Variants in TBCK observed in about 807,000 individuals in gnomAD.
The protein encoded by TBCK is TBC domain-containing protein kinase-like protein.
Under a neutral mutation model 113.4 loss-of-function variants are expected in TBCK, and 99 were observed. The ratio of observed to expected loss-of-function variants is 0.87; its 90% CI spans 0.74 to 1.03. The LOEUF is 1.03. TBCK is among the 50% of genes least tolerant of loss of function. TBCK has a pLI of 0.00. For synonymous variants in TBCK, 369 were observed against 370.8 expected (o/e 1.00, Z 0.05); for missense variants, 1,045 against 1,061.3 (o/e 0.98, Z 0.21).
chr4:106,316,391 T>G, upstream of TBCK: 1 of 689,022 alleles, frequency 1.5e-6, no homozygotes, highest in Non-Finnish European at 2.5e-6. Flanking sequence ...GGTGAGGGAA[T>G]GGAAGACGAG....
At chr4:106,144,390 T>C (rs1240984832) in intron 23 of TBCK, among the ~76,000 whole-genome samples, 1 of 152,100 alleles carries the variant, frequency 6.6e-6, no homozygotes, top group African/African-American at 2.4e-5. Flanking sequence ...TTGTCTGAAT[T>C]GAGGATATGT....
At chr4:106,123,940 G>T (rs1411998384) in intron 23 of TBCK, among the ~76,000 whole-genome samples, 5 of 150,772 alleles carry the variant, frequency 3.3e-5, no homozygotes, top group Admixed American at 6.6e-5. Context: ...CATAGGCATG[G>T]GCAAGGACTT....
rs888003098 is a variant in TBCK at position 106,212,659 on chromosome 4, C to T, written c.1860+91G>A. On this transcript the variant is annotated intron_variant, in intron 20 of 25. Transcript: ENST00000394708. ...TAACTTGTTCAGATATGCACTATGA[C>T]AACAAAAATTAAGAAAATACACTCT... is the stretch of plus-strand genomic sequence containing the variant. 6.6e-6 allele frequency: 6 copies of T among 906,586 alleles called. No homozygotes were observed. In the Admixed American group the frequency reaches 1.4e-4, roughly 21 times the overall value. The allele number at this position is 906,586 out of a possible 1,614,324, so 56.2% of individuals were successfully genotyped here.
chr4:106,300,939 A>AAAAT (rs942885654), intron 2 of TBCK, among the ~76,000 whole-genome samples: 3 of 152,064 alleles, frequency 2.0e-5, no homozygotes, highest in African/African-American at 7.2e-5. Flanking sequence ...CTGTCTCTGA[A>AAAAT]AAATAAATAA....
chr4:106,181,713 G>A (rs1406523375), intron 22 of TBCK, among the ~76,000 whole-genome samples: 1 of 152,098 alleles, frequency 6.6e-6, no homozygotes, highest in Non-Finnish European at 1.5e-5. Context: ...CCTCTGTTCT[G>A]TTCTATTGGT....
chr4:106,217,791 G>C (rs1219614994), intron 19 of TBCK, among the ~76,000 whole-genome samples: 1 of 150,586 alleles, frequency 6.6e-6, no homozygotes, highest in Admixed American at 6.6e-5. Flanking sequence ...TGGCCATACT[G>C]CCCAAGGTAA....
intron 22 of TBCK, among the ~76,000 whole-genome samples, chr4:106,191,154 A>G (rs1484482243): frequency 6.6e-6 from 1 of 152,194 alleles, no homozygotes; most frequent in Non-Finnish European, 1.5e-5. Flanking sequence ...AACTATTTAC[A>G]TAGCATTTCC....
At chr4:106,245,676 T>A (rs1365338960) in intron 10 of TBCK, among the ~76,000 whole-genome samples, 1 of 152,146 alleles carries the variant, frequency 6.6e-6, no homozygotes, top group Non-Finnish European at 1.5e-5. Context: ...GAAAATAATA[T>A]ACTACTAAAA....
intron 25 of TBCK, among the ~76,000 whole-genome samples, chr4:106,077,800 A>AATTAGACCT (rs1303289596): frequency 1.3e-5 from 2 of 152,236 alleles, no homozygotes; most frequent in Non-Finnish European, 2.9e-5. Flanking sequence ...ATACTTGACC[A>AATTAGACCT]ATTAGACCTA....
intron 23 of TBCK, among the ~76,000 whole-genome samples, chr4:106,155,048 T>C (rs914625242): frequency 1.3e-5 from 2 of 152,154 alleles, no homozygotes; most frequent in East Asian, 1.9e-4. Flanking sequence ...ATAGGTCTGG[T>C]ATTGATGAAA....
intron 19 of TBCK, among the ~76,000 whole-genome samples, chr4:106,216,363 A>C (rs1275283427): frequency 6.6e-6 from 1 of 152,018 alleles, no homozygotes; most frequent in Non-Finnish European, 1.5e-5. Context: ...AAATAACTAA[A>C]ATCAGAGCAG....
chr4:106,058,334 GC>G (rs1735663625), intron 25 of TBCK, among the ~76,000 whole-genome samples: 1 of 151,720 alleles, frequency 6.6e-6, no homozygotes, highest in South Asian at 2.1e-4. Flanking sequence ...TCCTTTCTAA[GC>G]TTTGTGCCCT....
chr4:106,217,626 A>G (rs1441431006), intron 19 of TBCK, among the ~76,000 whole-genome samples: 1 of 150,800 alleles, frequency 6.6e-6, no homozygotes, highest in Non-Finnish European at 1.5e-5. Flanking sequence ...CAATTGCTTC[A>G]AAGAGAATAA....
rs112335124 is a variant in TBCK, at chr4:106,043,647, A to G, written c.*2923T>C. 3.9e-5 allele frequency: 6 copies of G among 152,270 alleles called. 1 individual carries two copies. Among genetic ancestry groups the G allele is most frequent in the African/African-American group, 1.4e-4 (6 of 41,550 alleles). 9.4% of individuals were successfully genotyped at this position (152,270 alleles called of 1,614,324 possible). A position where few individuals can be genotyped will look rare whatever the true frequency, so the allele number is the denominator to read the frequency against. ...ATGCTTTAGTAGATTTGGGGCTCTT[A>G]GTGCAGCATGGGGAAGCCAGAGAAG... On this transcript the variant is annotated 3_prime_UTR_variant, in exon 26 of 26. Coordinates refer to ENST00000394708, the MANE Select transcript of TBCK (RefSeq NM_001163435.3).
intron 23 of TBCK, among the ~76,000 whole-genome samples, chr4:106,138,893 G>C (rs985288201): frequency 1.4e-5 from 2 of 140,912 alleles, no homozygotes; most frequent in Admixed American, 7.0e-5. Flanking sequence ...TTATGGTCAA[G>C]TTTCAATGGC....
chr4:106,259,867 C>T (rs1409624079), intron 5 of TBCK, among the ~76,000 whole-genome samples: 6 of 151,886 alleles, frequency 4.0e-5, no homozygotes, highest in African/African-American at 1.4e-4. Flanking sequence ...CATGAAACAA[C>T]CTTCCATTTC....
At chr4:106,290,507 A>T (rs1270245160) in intron 3 of TBCK, among the ~76,000 whole-genome samples, 1 of 152,194 alleles carries the variant, frequency 6.6e-6, no homozygotes, top group East Asian at 1.9e-4. Flanking sequence ...TAAAAATCAA[A>T]GATTAGTGAC....
chr4:106,150,518 G>A (rs776384637), intron 23 of TBCK, among the ~76,000 whole-genome samples: 3 of 152,012 alleles, frequency 2.0e-5, no homozygotes, highest in Non-Finnish European at 2.9e-5. Flanking sequence ...TATTATAGAA[G>A]ATTTTTGAGG....
At chr4:106,180,049 C>T (rs2149772188) in intron 22 of TBCK, among the ~76,000 whole-genome samples, 1 of 151,934 alleles carries the variant, frequency 6.6e-6, no homozygotes, top group South Asian at 2.1e-4. Context: ...GATATATGTA[C>T]AGTTGCTTCA....
Sources: gnomAD v4.1 joint callset for allele counts (sites outside exome capture counted in the v4.1 genomes callset) on GRCh38, gnomAD v4.1.1 for gene constraint, MANE v1.5 for transcripts, NCBI Gene and HGNC (gene_info 2026-07-23, HGNC 2026-07-21) for gene names.